The following SPATA1 variants were observed in gnomAD, a reference collection of about 807,000 sequenced individuals.
SPATA1 encodes spermatogenesis associated 1.
SPATA1 carries 57 observed loss-of-function variants against 59.6 expected under a neutral mutation model. That is an observed-to-expected ratio of 0.96 (90% CI 0.77 to 1.19). The LOEUF is 1.19. SPATA1 is among the 50% of genes most tolerant of loss of function. The pLI is 0.00. For missense variants in SPATA1, 448 were observed against 480.7 expected, an observed-to-expected ratio of 0.93 and a Z score of 0.64; for synonymous variants, 147 against 163.9, an observed-to-expected ratio of 0.90 and a Z score of 0.79.
intron 3 of SPATA1, among the ~76,000 whole-genome samples, chr1:84,522,171 T>G (rs1683054697): frequency 6.6e-6 from 1 of 152,206 alleles, no homozygotes; most frequent in African/African-American, 2.4e-5. Context: ...ACAGTGTTTA[T>G]TTGCATAATT....
At chr1:84,517,095 T>G (rs576377076) in intron 2 of SPATA1, among the ~76,000 whole-genome samples, 7 of 152,336 alleles carry the variant, frequency 4.6e-5, no homozygotes, top group Admixed American at 2.6e-4. Flanking sequence ...CTAAATCTGT[T>G]GGTTAATTCT....
At position 84,513,130 on chromosome 1, in the gene SPATA1, G is replaced by GT. The variant is rs539208820; in HGVS notation, c.-137-3087dup. 8.5e-3 allele frequency among the ~76,000 whole-genome samples: 1,298 copies of GT among 152,178 alleles called. 7 individuals carry two copies. Among genetic ancestry groups the GT allele is most frequent in the Middle Eastern group, 0.014 (4 of 294 alleles). The stretch of plus-strand genomic sequence containing the variant: ...AGTTTTTTTGGTTTTGTTTTGTTTT[G>GT]TTTTTTGTTACAGAGTTTCGCTCTT... On this transcript the variant is annotated intron_variant, in intron 1 of 12. Coordinates refer to ENST00000490879, the Ensembl canonical transcript of SPATA1.
chr1:84,518,678 C>T (rs1436736774), intron 2 of SPATA1, among the ~76,000 whole-genome samples: 2 of 151,866 alleles, frequency 1.3e-5, no homozygotes, highest in Non-Finnish European at 2.9e-5. Flanking sequence ...CTGCTTCAAT[C>T]ATACTGGCAT....
intron 10 of SPATA1, among the ~76,000 whole-genome samples, chr1:84,547,476 A>G (rs1203476623): frequency 3.3e-5 from 5 of 152,212 alleles, no homozygotes; most frequent in Non-Finnish European, 7.3e-5. Context: ...TTGCTTCCCT[A>G]TGGGAAGAGA....
intron 8 of SPATA1, among the ~76,000 whole-genome samples, chr1:84,541,989 A>G (rs1044253241): frequency 6.6e-6 from 1 of 151,804 alleles, no homozygotes; most frequent in Non-Finnish European, 1.5e-5. Flanking sequence ...ATTTTTCTTG[A>G]GATGGAGTCT....
chr1:84,532,357 G>A (rs12354394), intron 6 of SPATA1, among the ~76,000 whole-genome samples: 25,226 of 152,100 alleles, frequency 0.17, 3,862 homozygotes, highest in African/African-American at 0.4. Context: ...TTCGCTGGGC[G>A]TGGTAGCACA....
intron 1 of SPATA1, among the ~76,000 whole-genome samples, chr1:84,515,540 T>C (rs1040065416): frequency 6.6e-6 from 1 of 152,190 alleles, no homozygotes; most frequent in African/African-American, 2.4e-5. Context: ...TGTGTTGGTA[T>C]GATTAATGTA....
At chr1:84,514,271 A>C (rs987731932) in intron 1 of SPATA1, among the ~76,000 whole-genome samples, 2 of 152,066 alleles carry the variant, frequency 1.3e-5, no homozygotes, top group Non-Finnish European at 2.9e-5. Flanking sequence ...CCAGCCCAGG[A>C]TTTGGTCTCC....
exon 6 of SPATA1, chr1:84,525,945 G>A (rs780298225): frequency 6.2e-7 from 1 of 1,613,678 alleles, no homozygotes; most frequent in Non-Finnish European, 8.5e-7. Context: ...ACTAATAATG[G>A]TGTTAATGAG....
chr1:84,544,234 T>C, exon 9 of SPATA1: 1 of 1,601,364 alleles, frequency 6.2e-7, no homozygotes, highest in Non-Finnish European at 8.5e-7. Flanking sequence ...CCCTACCAGA[T>C]CACCCTTCAC....
At chr1:84,523,859 G>C (rs1180526649) in intron 4 of SPATA1, among the ~76,000 whole-genome samples, 3 of 151,916 alleles carry the variant, frequency 2.0e-5, no homozygotes, top group African/African-American at 7.2e-5. Flanking sequence ...ATCAGTCATA[G>C]AATCCCAGAT....
intron 1 of SPATA1, among the ~76,000 whole-genome samples, chr1:84,511,751 G>A (rs941262372): frequency 7.1e-6 from 1 of 141,458 alleles, no homozygotes; most frequent in East Asian, 2.1e-4. Context: ...GCGTGATCTC[G>A]GCTCACTGCA....
intron 9 of SPATA1, among the ~76,000 whole-genome samples, chr1:84,544,534 T>TA: frequency 6.6e-6 from 1 of 152,060 alleles, no homozygotes; most frequent in Non-Finnish European, 1.5e-5. Flanking sequence ...TCTACAACAA[T>TA]AAAAAAGTTA....
At chr1:84,533,760 C>G in exon 8 of SPATA1, 1 of 1,555,778 alleles carries the variant, frequency 6.4e-7, no homozygotes, top group Non-Finnish European at 8.7e-7. Flanking sequence ...GAAGACAGGA[C>G]AATCAGGTAC....
chr1:84,551,207 AG>A, intron 12 of SPATA1: 1 of 985,316 alleles, frequency 1.0e-6, no homozygotes, highest in Non-Finnish European at 1.2e-6. Context: ...ACCCACAGCA[AG>A]GCAGGAAAAT....
chr1:84,510,081 T>C (rs1022847980), intron 1 of SPATA1, among the ~76,000 whole-genome samples: 1 of 151,986 alleles, frequency 6.6e-6, no homozygotes, highest in Non-Finnish European at 1.5e-5. Flanking sequence ...TCCCAGCTAC[T>C]TGGGAACCTG....
At chr1:84,543,613 A>G (rs1004974357) in intron 8 of SPATA1, among the ~76,000 whole-genome samples, 2 of 152,156 alleles carry the variant, frequency 1.3e-5, no homozygotes, top group Admixed American at 6.5e-5. Context: ...ATCTGCCCCC[A>G]TGATACAATC....
In SPATA1 at chr1:84,545,775, T is replaced by C. The variant is rs542491678; in HGVS notation, c.946+16T>C. 6 of 1,471,448 alleles carry C rather than the reference T, an allele frequency of 4.1e-6. No homozygotes were observed. The East Asian group carries it at 7.9e-5, about 19-fold the overall frequency. The allele number at this position is 1,471,448 out of a possible 1,614,324, so 91.1% of individuals were successfully genotyped here. ...CGATATCATGGTAAAGTTTATTACA[T>C]ACCTTTTATCACTATAAAGAAAACT... On this transcript the variant is annotated intron_variant, in intron 10 of 12. Transcript: ENST00000490879.
exon 13 of SPATA1, chr1:84,553,187 T>C (rs1684330054): frequency 1.1e-6 from 1 of 931,038 alleles, no homozygotes; most frequent in Non-Finnish European, 1.6e-6. Context: ...CAGATTTGTT[T>C]AACCATTATT....
Sources: gnomAD v4.1 joint callset for allele counts (sites outside exome capture counted in the v4.1 genomes callset) on GRCh38, gnomAD v4.1.1 for gene constraint, MANE v1.5 for transcripts, NCBI Gene and HGNC (gene_info 2026-07-23, HGNC 2026-07-21) for gene names.